The following FRMPD4 variants were observed in gnomAD, a reference collection of about 807,000 sequenced individuals.
The protein encoded by FRMPD4 is FERM and PDZ domain-containing protein 4.
In FRMPD4, 22 loss-of-function variants were observed where a neutral mutation model predicts 94.1. That is an observed-to-expected ratio of 0.23 (90% CI 0.17 to 0.33). The LOEUF is 0.33. FRMPD4 is among the 10% of genes least tolerant of loss of function. The probability of loss-of-function intolerance (pLI) is 1.00; values close to 1 mark genes in which losing one functional copy is unlikely to be tolerated. For synonymous variants in FRMPD4, 631 were observed against 548.6 expected, an observed-to-expected ratio of 1.15 and a Z score of -2.10; for missense variants, 1,111 against 1,339.9, an observed-to-expected ratio of 0.83 and a Z score of 2.67.
intron 3 of FRMPD4, among the ~76,000 whole-genome samples, chrX:12,099,051 T>C (rs1040802538): frequency 4.7e-5 from 3 of 63,880 alleles, no homozygotes; most frequent in Non-Finnish European, 8.2e-5. Flanking sequence ...CATCACACTC[T>C]GGGGACTGTT....
rs150192781 is a variant in FRMPD4 at position 12,360,044 on chromosome X, T to G, written c.42-138636T>G. ...TTGAGTTAATGCTACTTTTCTATTT[T>G]TAATAGCATTCTTTGATTGTTCAAA... is the stretch of plus-strand genomic sequence containing the variant. On this transcript the variant is annotated intron_variant, in intron 1 of 16. Transcript: ENST00000675598. 4.8e-3 allele frequency among the ~76,000 whole-genome samples: 542 copies of G among 112,451 alleles called. 1 individual carries two copies. Among genetic ancestry groups the G allele is most frequent in the African/African-American group, 0.016 (509 of 31,013 alleles).
intron 3 of FRMPD4, among the ~76,000 whole-genome samples, chrX:11,976,818 G>A (rs998445358): frequency 8.0e-5 from 9 of 111,909 alleles, no homozygotes; most frequent in Non-Finnish European, 1.5e-4. Flanking sequence ...TGATTCAGCA[G>A]CCTTTATTAG....
At chrX:12,305,181 G>A (rs1242227698) in intron 1 of FRMPD4, among the ~76,000 whole-genome samples, 2 of 112,252 alleles carry the variant, frequency 1.8e-5, no homozygotes, top group Non-Finnish European at 3.8e-5. Context: ...ATAGAGGACA[G>A]GGGAGAGGTG....
chrX:12,661,930 C>T (rs1018945305), intron 4 of FRMPD4, among the ~76,000 whole-genome samples: 2 of 112,149 alleles, frequency 1.8e-5, no homozygotes, highest in African/African-American at 3.2e-5. Context: ...ACTAGGCTGA[C>T]GCTACGTTAT....
rs1383100243 is a variant in FRMPD4, at chrX:11,941,278, G to C, written c.95+63260G>C. Among the ~76,000 whole-genome samples the C allele has an allele frequency of 7.5e-5, 4 of 53,481 alleles. 1 individual carries two copies. The highest frequency in any genetic ancestry group is 1.9e-4 in the African/African-American group (4 of 20,684). 46.4% of individuals were successfully genotyped at this position (53,481 alleles called of 115,157 possible). A position where few individuals can be genotyped will look rare whatever the true frequency, so the allele number is the denominator to read the frequency against. The stretch of plus-strand genomic sequence containing the variant: ...TCGCTCACGCTGGGAGCTGTAGACC[G>C]GAGCTGTTCCTATTCGGCCATCTTG... On this transcript the variant is annotated intron_variant, in intron 3 of 18. Transcript: ENST00000640291.
At chrX:12,204,156 G>T (rs1300311981) in intron 1 of FRMPD4, among the ~76,000 whole-genome samples, 2 of 112,234 alleles carry the variant, frequency 1.8e-5, no homozygotes, top group Non-Finnish European at 3.8e-5. Flanking sequence ...ATACTTGGTT[G>T]TCACAACTGA....
At chrX:12,311,765 C>T (rs1185885824) in intron 1 of FRMPD4, among the ~76,000 whole-genome samples, 2 of 110,847 alleles carry the variant, frequency 1.8e-5, no homozygotes, top group Non-Finnish European at 3.8e-5. Context: ...CTGAGAAGTC[C>T]GCTTTAAGTC....
At chrX:11,972,254 G>A (rs2054343965) in intron 3 of FRMPD4, among the ~76,000 whole-genome samples, 1 of 111,685 alleles carries the variant, frequency 9.0e-6, no homozygotes, top group Non-Finnish European at 1.9e-5. Flanking sequence ...GCTCAGAAAG[G>A]ACATCCAATA....
chrX:11,830,621 T>G (rs770810258), intron 1 of FRMPD4, among the ~76,000 whole-genome samples: 1 of 112,432 alleles, frequency 8.9e-6, no homozygotes, highest in South Asian at 3.6e-4. Flanking sequence ...TAATGTATTT[T>G]AATAAAGTAA....
intron 1 of FRMPD4, among the ~76,000 whole-genome samples, chrX:12,162,498 T>C (rs913859239): frequency 8.9e-6 from 1 of 112,210 alleles, no homozygotes; most frequent in African/African-American, 3.2e-5. Context: ...CAATAGTAAA[T>C]TGGATCCAGA....
At chrX:12,562,406 A>G (rs1268601847) in intron 2 of FRMPD4, among the ~76,000 whole-genome samples, 1 of 112,112 alleles carries the variant, frequency 8.9e-6, no homozygotes, top group Non-Finnish European at 1.9e-5. Context: ...GCCATAGTGA[A>G]CCTGTCATTT....
At chrX:12,651,852 T>A (rs7883942) in intron 4 of FRMPD4, among the ~76,000 whole-genome samples, 166 of 112,477 alleles carry the variant, frequency 1.5e-3, no homozygotes, top group African/African-American at 4.5e-3. Flanking sequence ...GTGATTTTTT[T>A]AAAAATTGAC....
chrX:11,878,676 G>C (rs1446575653), intron 3 of FRMPD4, among the ~76,000 whole-genome samples: 4 of 111,835 alleles, frequency 3.6e-5, no homozygotes, highest in Non-Finnish European at 7.5e-5. Flanking sequence ...TCTTTTCTTG[G>C]GGTTGTCTAG....
chrX:12,503,755 C>G (rs1218927205), intron 2 of FRMPD4, among the ~76,000 whole-genome samples: 1 of 111,848 alleles, frequency 8.9e-6, no homozygotes, highest in Non-Finnish European at 1.9e-5. Context: ...GTGTGAGCCC[C>G]AAAGTATTTA....
Position 12,415,847 on chromosome X carries a change from T to G in FRMPD4, c.42-82833T>G, listed in dbSNP as rs1206476419. 2.7e-5 allele frequency among the ~76,000 whole-genome samples: 3 copies of G among 112,442 alleles called. No individual in the cohort carries two copies. The Admixed American group carries it at 2.8e-4, about 11-fold the overall frequency. ...CTTTGAAATATGTTTCTAACACTGC[T>G]GTTTACGGTGATTCTGATTATTTCA... On this transcript the variant is annotated intron_variant, in intron 1 of 16. Transcript: ENST00000675598.
chrX:12,539,548 G>C (rs1420437749), intron 2 of FRMPD4, among the ~76,000 whole-genome samples: 3 of 111,867 alleles, frequency 2.7e-5, no homozygotes, highest in East Asian at 5.5e-4. Flanking sequence ...GAAAGGTAGG[G>C]TTAACCAACA....
chrX:12,501,487 T>C (rs961781766), intron 2 of FRMPD4, among the ~76,000 whole-genome samples: 4 of 108,214 alleles, frequency 3.7e-5, no homozygotes, highest in African/African-American at 1.3e-4. Flanking sequence ...TACAAAGAGG[T>C]ATTCTAATTA....
intron 1 of FRMPD4, among the ~76,000 whole-genome samples, chrX:12,474,763 A>G (rs750721548): frequency 8.9e-6 from 1 of 111,855 alleles, no homozygotes; most frequent in East Asian, 2.8e-4. Context: ...TAAACCAGGA[A>G]GAAGTTGAAT....
intron 3 of FRMPD4, among the ~76,000 whole-genome samples, chrX:11,903,723 A>T (rs1181525439): frequency 1.8e-5 from 2 of 112,299 alleles, no homozygotes; most frequent in Non-Finnish European, 3.8e-5. Flanking sequence ...TTGTCTTTTT[A>T]AAAAATGACT....
Sources: allele counts gnomAD v4.1 joint callset (sites outside exome capture counted in the v4.1 genomes callset), GRCh38; gene constraint gnomAD v4.1.1; transcripts MANE v1.5; gene names NCBI Gene and HGNC (gene_info 2026-07-23, HGNC 2026-07-21).